Variants in CCDC7 observed in about 807,000 individuals in gnomAD.
The protein encoded by CCDC7 is coiled-coil domain-containing protein 7.
CCDC7 carries 183 observed loss-of-function variants against 196.9 expected under a neutral mutation model. The ratio of observed to expected loss-of-function variants is 0.93; its 90% CI spans 0.82 to 1.05. CCDC7 has a LOEUF of 1.05. Ranked by LOEUF, CCDC7 falls within the 50% of genes least tolerant of loss-of-function variation. CCDC7 has a pLI of 0.00. For synonymous variants in CCDC7, 525 were observed against 484.6 expected, an observed-to-expected ratio of 1.08 and a Z score of -1.10; for missense variants, 1,540 against 1,482.2, an observed-to-expected ratio of 1.04 and a Z score of -0.64.
chr10:32,783,284 G>C (rs973853823), intron 29 of CCDC7, among the ~76,000 whole-genome samples: 1 of 152,146 alleles, frequency 6.6e-6, no homozygotes, highest in Non-Finnish European at 1.5e-5. Context: ...TTAATGTCTA[G>C]AATATACAAG....
chr10:32,567,600 C>T, intron 14 of CCDC7, 70 bp from the exon 16 acceptor site: 2 of 1,479,160 alleles, frequency 1.4e-6, no homozygotes, highest in Non-Finnish European at 1.8e-6. Flanking sequence ...TATGTAGATT[C>T]CTGAATGTGG....
chr10:32,482,005 T>A (rs2040045247), intron 8 of CCDC7, among the ~76,000 whole-genome samples: 1 of 152,106 alleles, frequency 6.6e-6, no homozygotes, highest in Non-Finnish European at 1.5e-5. Flanking sequence ...TTGTACCTGT[T>A]TGGAGACGTT....
intron 28 of CCDC7, among the ~76,000 whole-genome samples, chr10:32,741,921 A>G (rs961770405): frequency 6.6e-6 from 1 of 152,174 alleles, no homozygotes; most frequent in Non-Finnish European, 1.5e-5. Context: ...TTTTGTATTT[A>G]TGAAAGGTTC....
At chr10:32,741,397 G>A (rs2133157797) in intron 28 of CCDC7, among the ~76,000 whole-genome samples, 1 of 152,272 alleles carries the variant, frequency 6.6e-6, no homozygotes, top group East Asian at 1.9e-4. Flanking sequence ...TGGTTCATGA[G>A]TCTGTATACA....
chr10:32,487,058 G>A (rs944146280), intron 8 of CCDC7, among the ~76,000 whole-genome samples: 1 of 152,152 alleles, frequency 6.6e-6, no homozygotes, highest in African/African-American at 2.4e-5. Flanking sequence ...GATTGGGGAA[G>A]TTCTCCTGGA....
intron 41 of CCDC7, among the ~76,000 whole-genome samples, chr10:32,872,545 G>A (rs2094466212): frequency 6.6e-6 from 1 of 152,002 alleles, no homozygotes; most frequent in African/African-American, 2.4e-5. Context: ...TACATTTAAG[G>A]TTAATATTGT....
At chr10:32,594,023 G>T (rs1319508936) in intron 18 of CCDC7, among the ~76,000 whole-genome samples, 1 of 152,140 alleles carries the variant, frequency 6.6e-6, no homozygotes, top group Non-Finnish European at 1.5e-5. Flanking sequence ...GATTGTCTTG[G>T]CAATGCAGGC....
intron 18 of CCDC7, among the ~76,000 whole-genome samples, chr10:32,605,988 A>C (rs759471157): frequency 6.6e-6 from 1 of 152,252 alleles, no homozygotes; most frequent in Non-Finnish European, 1.5e-5. Context: ...AGAGATATTC[A>C]TAGCAGCCCA....
intron 9 of CCDC7, among the ~76,000 whole-genome samples, chr10:32,506,526 G>A (rs1221167964): frequency 1.3e-5 from 2 of 152,174 alleles, no homozygotes; most frequent in Non-Finnish European, 1.5e-5. Context: ...AGGTTGTAGC[G>A]AGCCGAGATC....
intron 8 of CCDC7, among the ~76,000 whole-genome samples, chr10:32,474,502 G>C (rs113075305): frequency 0.14 from 21,270 of 151,748 alleles, 1,810 homozygotes; most frequent in African/African-American, 0.25. Context: ...CTCCCAAAGT[G>C]CTGGGATTAC....
chr10:32,508,261 A>G (rs2045523761), intron 9 of CCDC7, among the ~76,000 whole-genome samples: 1 of 152,348 alleles, frequency 6.6e-6, no homozygotes, highest in East Asian at 1.9e-4. Context: ...TCTACACACT[A>G]ACAATAACTG....
chr10:32,546,445 T>C (rs768033002), intron 13 of CCDC7, among the ~76,000 whole-genome samples: 2 of 152,206 alleles, frequency 1.3e-5, no homozygotes, highest in South Asian at 2.1e-4. Flanking sequence ...AACTGGGAAA[T>C]TGGGGTAGAG....
At position 32,857,181 on chromosome 10, in the gene CCDC7, T is replaced by C. The variant is rs140460703; in HGVS notation, c.4111+2692T>C. On this transcript the variant is annotated intron_variant, in intron 41 of 41. Coordinates refer to ENST00000639629, the Ensembl canonical transcript of CCDC7. ...TGTGCCTACCCAGAATGAGAGCCACTGCACTTTGCCCAACTAATACCTGCA... is the reference window on the plus strand; with the variant it reads ...TGTGCCTACCCAGAATGAGAGCCACCGCACTTTGCCCAACTAATACCTGCA... 1.8e-3 allele frequency among the ~76,000 whole-genome samples: 276 copies of C among 152,300 alleles called. 2 individuals carry two copies. The highest frequency in any genetic ancestry group is 6.3e-3 in the African/African-American group (262 of 41,562).
chr10:32,755,176 C>T (rs2076229717), intron 28 of CCDC7, among the ~76,000 whole-genome samples: 1 of 152,178 alleles, frequency 6.6e-6, no homozygotes, highest in African/African-American at 2.4e-5. Context: ...CCTCTGTAGA[C>T]TCCACCTCTG....
chr10:32,518,589 T>C (rs776820781), intron 11 of CCDC7, 84 bp downstream of exon 12: 22 of 1,050,268 alleles, frequency 2.1e-5, no homozygotes, highest in Non-Finnish European at 2.7e-5. Context: ...GCTATTTAAA[T>C]GTTATATAAT....
chr10:32,640,803 A>C (rs568611671), intron 20 of CCDC7, among the ~76,000 whole-genome samples: 93 of 151,818 alleles, frequency 6.1e-4, no homozygotes, highest in African/African-American at 2.2e-3. Flanking sequence ...TCTGGGTTGA[A>C]AATTCTTTTC....
intron 23 of CCDC7, among the ~76,000 whole-genome samples, chr10:32,692,117 G>A (rs2077158753): frequency 6.6e-6 from 1 of 152,196 alleles, no homozygotes; most frequent in Non-Finnish European, 1.5e-5. Context: ...ACTCTGCATT[G>A]TTTTTCATTA....
chr10:32,483,545 G>A (rs1299131433), intron 8 of CCDC7, among the ~76,000 whole-genome samples: 1 of 152,146 alleles, frequency 6.6e-6, no homozygotes, highest in Non-Finnish European at 1.5e-5. Context: ...ATTGCTTTTG[G>A]TGTTTTAGAC....
In CCDC7 at chr10:32,528,653, TATATATATACACACACATATATATATGC is replaced by T. The variant is rs1211341438; in HGVS notation, c.993+10173_993+10200del. ...ATATGTATGTGTGTGTGTGTGTGTA[TATATATATACACACACATATATATATGC>T]ATATATATACACACACATATATATG... On this transcript the variant is annotated intron_variant, in intron 11 of 41. Transcript: ENST00000639629. Among the ~76,000 whole-genome samples the T allele has an allele frequency of 3.0e-4, 44 of 147,256 alleles. No individual in the cohort carries two copies. The East Asian group carries it at 6.9e-3, about 23-fold the overall frequency.
Sources: gnomAD v4.1 joint callset for allele counts (sites outside exome capture counted in the v4.1 genomes callset) on GRCh38, gnomAD v4.1.1 for gene constraint, MANE v1.5 for transcripts, NCBI Gene and HGNC (gene_info 2026-07-23, HGNC 2026-07-21) for gene names.